Variants in ZBTB38 observed in about 807,000 individuals in gnomAD.
ZBTB38 encodes zinc finger and BTB domain containing 38.
Under a neutral mutation model 76.8 loss-of-function variants are expected in ZBTB38, and 20 were observed. The observed-to-expected ratio is 0.26, with a 90% CI of 0.18 to 0.38. The LOEUF (loss-of-function observed/expected upper bound fraction) is 0.38, where lower values mean the gene tolerates loss of function less well. Among genes scored for constraint, ZBTB38 ranks in the 10% least tolerant of loss-of-function variants. The probability of loss-of-function intolerance (pLI) is 1.00; values close to 1 mark genes in which losing one functional copy is unlikely to be tolerated. For missense variants in ZBTB38, 1,082 were observed against 1,482.3 expected (o/e 0.73, Z 4.43); for synonymous variants, 504 against 544.2 (o/e 0.93, Z 1.03).
chr3:141,431,060 C>A (rs1336344739), intron 5 of ZBTB38, among the ~76,000 whole-genome samples: 1 of 151,926 alleles, frequency 6.6e-6, no homozygotes, highest in East Asian at 1.9e-4. Context: ...CGGTGGCTCA[C>A]ACCTGTAATC....
intron 3 of ZBTB38, chr3:141,386,405 A>G (rs770718486): frequency 6.6e-6 from 1 of 152,230 alleles, no homozygotes; most frequent in African/African-American, 2.4e-5. Flanking sequence ...ATACATTTAC[A>G]CTGCTTGTGG....
chr3:141,431,151 C>A (rs952622489), intron 5 of ZBTB38, among the ~76,000 whole-genome samples: 1 of 151,358 alleles, frequency 6.6e-6, no homozygotes, highest in Non-Finnish European at 1.5e-5. Flanking sequence ...GGTGAAACCC[C>A]GTCTCTACTA....
intron 1 of ZBTB38, among the ~76,000 whole-genome samples, chr3:141,334,424 C>T (rs796762523): frequency 1.6e-5 from 2 of 127,364 alleles, no homozygotes; most frequent in Middle Eastern, 7.2e-3. Context: ...TTCCTTCCTT[C>T]CTTCCTTCCT....
upstream of ZBTB38, among the ~76,000 whole-genome samples, chr3:141,365,755 A>G (rs1943947240): frequency 6.6e-6 from 1 of 152,174 alleles, no homozygotes; most frequent in African/African-American, 2.4e-5. Context: ...ATACCTAATA[A>G]GCATGGTGTT....
chr3:141,360,042 T>A (rs1352852571), intron 1 of ZBTB38, among the ~76,000 whole-genome samples: 1 of 152,214 alleles, frequency 6.6e-6, no homozygotes, highest in Non-Finnish European at 1.5e-5. Flanking sequence ...GTGCTTCCTA[T>A]AAAGTGCCCA....
intron 5 of ZBTB38, among the ~76,000 whole-genome samples, chr3:141,409,317 A>G (rs1005229166): frequency 5.3e-5 from 8 of 152,258 alleles, no homozygotes; most frequent in African/African-American, 1.9e-4. Context: ...AAGTGCTGAG[A>G]TTACAGACGT....
chr3:141,402,705 T>A (rs2149594520), intron 4 of ZBTB38: 1 of 151,700 alleles, frequency 6.6e-6, no homozygotes, highest in African/African-American at 2.4e-5. Context: ...GCGGGGTGGG[T>A]TCGGCTGGAG....
chr3:141,373,728 C>A (rs1944954487), intron 2 of ZBTB38, among the ~76,000 whole-genome samples: 1 of 152,194 alleles, frequency 6.6e-6, no homozygotes, highest in South Asian at 2.1e-4. Context: ...CTCCCTCCTA[C>A]CTCCAAAATA....
intron 1 of ZBTB38, among the ~76,000 whole-genome samples, chr3:141,353,124 G>A (rs73869587): frequency 0.07 from 10,613 of 151,964 alleles, 1,262 homozygotes; most frequent in African/African-American, 0.24. Context: ...GAGTCCCTTC[G>A]TCCCAAATCC....
intron 5 of ZBTB38, among the ~76,000 whole-genome samples, chr3:141,430,525 G>T (rs1044687002): frequency 2.0e-5 from 3 of 152,206 alleles, no homozygotes; most frequent in African/African-American, 7.2e-5. Context: ...GACCACACTT[G>T]GTGCTTTTCA....
chr3:141,408,292 A>G (rs940226773), intron 5 of ZBTB38, among the ~76,000 whole-genome samples: 1 of 152,234 alleles, frequency 6.6e-6, no homozygotes, highest in African/African-American at 2.4e-5. Flanking sequence ...CATGCCTGTA[A>G]TCCCAGCACT....
At chr3:141,329,872 T>C (rs1942791640) in intron 1 of ZBTB38, among the ~76,000 whole-genome samples, 1 of 152,128 alleles carries the variant, frequency 6.6e-6, no homozygotes, top group Non-Finnish European at 1.5e-5. Context: ...CTCACGCCTG[T>C]AATCCCAGCA....
intron 1 of ZBTB38, among the ~76,000 whole-genome samples, chr3:141,357,289 T>C (rs1943690149): frequency 6.6e-6 from 1 of 152,206 alleles, no homozygotes; most frequent in Non-Finnish European, 1.5e-5. Context: ...CTGATATTAA[T>C]CCTTTATTAT....
At chr3:141,324,407 T>A (rs1052844474) in exon 1 of ZBTB38, 1 of 152,246 alleles carries the variant, frequency 6.6e-6, no homozygotes, top group African/African-American at 2.4e-5. Flanking sequence ...AAAGAGGAAC[T>A]GTTGATATAG....
At chr3:141,354,261 A>T (rs1041374346) in intron 1 of ZBTB38, among the ~76,000 whole-genome samples, 1 of 151,958 alleles carries the variant, frequency 6.6e-6, no homozygotes, top group African/African-American at 2.4e-5. Flanking sequence ...TCCTCTTTAA[A>T]CCCTGCTCTC....
intron 4 of ZBTB38, among the ~76,000 whole-genome samples, chr3:141,399,721 A>G (rs1313875983): frequency 6.6e-6 from 1 of 152,246 alleles, no homozygotes; most frequent in African/African-American, 2.4e-5. Flanking sequence ...AGGTTTAAAA[A>G]AGATACTTTA....
intron 5 of ZBTB38, among the ~76,000 whole-genome samples, chr3:141,436,968 A>G (rs1490020865): frequency 7.2e-5 from 11 of 152,170 alleles, no homozygotes; most frequent in Admixed American, 7.2e-4. Context: ...TCCTTGTTGC[A>G]CTTTGGACCT....
At position 141,442,914 on chromosome 3, in the gene ZBTB38, A is replaced by T; in HGVS notation, c.526A>T (p.Ser176Cys). Reference protein sequence around the residue: ...NAFSIIETENSNNMFSPLDLR... With the variant: ...NAFSIIETENCNNMFSPLDLR... ...ATTTTCCATCATCGAAACAGAAAAT[A>T]GTAATAACATGTTTTCCCCGCTGGA... Residue 176 changes from serine (S) to cysteine (C), a missense_variant, in exon 6 of 6, where the codon AGT becomes TGT. Physicochemically the swap from Ser to Cys is moderately radical, Grantham distance 112. Around this residue, in one of 8 missense-constraint regions of ZBTB38, gnomAD observed 324 missense variants for 359.1 expected, o/e 0.90. Transcript: ENST00000321464. This position sits in a 1 kb window ranked among gnomAD's most constrained non-coding sequence, Gnocchi z 6.4. 1 of 1,614,278 alleles carries T rather than the reference A, an allele frequency of 6.2e-7. No homozygotes were observed. The highest frequency in any genetic ancestry group is 8.5e-7 in the Non-Finnish European group (1 of 1,180,046).
chr3:141,336,789 C>T (rs1032087723), intron 1 of ZBTB38, among the ~76,000 whole-genome samples: 4 of 152,200 alleles, frequency 2.6e-5, no homozygotes, highest in African/African-American at 4.8e-5. Context: ...TAGCATCCCC[C>T]GTCCCTGGGG....
Sources: allele counts gnomAD v4.1 joint callset (sites outside exome capture counted in the v4.1 genomes callset), GRCh38; gene constraint gnomAD v4.1.1; regional missense constraint gnomAD v4.1.1; non-coding constraint Gnocchi (gnomAD v3.1); transcripts MANE v1.5; gene names NCBI Gene and HGNC (gene_info 2026-07-23, HGNC 2026-07-21).